UBOX5: variants seen among roughly 807,000 people sequenced by gnomAD.
UBOX5 encodes U-box domain containing 5.
Under a neutral mutation model 39.0 loss-of-function variants are expected in UBOX5, and 28 were observed. The observed-to-expected ratio is 0.72, with a 90% confidence interval of 0.53 to 0.98. The LOEUF (loss-of-function observed/expected upper bound fraction) is 0.98, where lower values mean the gene tolerates loss of function less well. Among genes scored for constraint, UBOX5 ranks in the 50% least tolerant of loss-of-function variants. The probability of loss-of-function intolerance (pLI) is 0.00; values close to 1 mark genes in which losing one functional copy is unlikely to be tolerated. For missense variants in UBOX5, 585 were observed against 674.4 expected (o/e 0.87, Z 1.47); for synonymous variants, 283 against 275.5 (o/e 1.03, Z -0.27).
At chr20:3,146,953 C>T (rs772510697) in intron 1 of UBOX5, 1 of 1,614,212 alleles carries the variant, frequency 6.2e-7, no homozygotes, top group South Asian at 1.1e-5. Flanking sequence ...CATAGCAATA[C>T]TGGTTCCTGT....
intron 1 of UBOX5, among the ~76,000 whole-genome samples, chr20:3,144,821 T>C (rs2066546345): frequency 3.9e-5 from 6 of 152,220 alleles, no homozygotes; most frequent in Admixed American, 3.9e-4. Flanking sequence ...TGTTTCCTTC[T>C]CATCTGAGCT....
intron 1 of UBOX5, among the ~76,000 whole-genome samples, chr20:3,143,766 T>C (rs889737049): frequency 1.3e-5 from 2 of 152,018 alleles, no homozygotes. Flanking sequence ...GCACTCCAGC[T>C]GGGTGACAGA....
intron 4 of UBOX5, among the ~76,000 whole-genome samples, chr20:3,113,071 C>T (rs1425029375): frequency 6.8e-6 from 1 of 147,022 alleles, no homozygotes; most frequent in African/African-American, 2.5e-5. Flanking sequence ...GTCAGGAGTT[C>T]GAGACCAGCC....
intron 3 of UBOX5, chr20:3,116,683 T>G (rs2066295942): frequency 6.6e-6 from 1 of 152,214 alleles, no homozygotes; most frequent in Non-Finnish European, 1.5e-5. Context: ...TAGAATTTAC[T>G]CTTAAAACCA....
In UBOX5 at chr20:3,116,996, T is replaced by C. The variant is rs528035608; in HGVS notation, c.1256-1530A>G. On this transcript the variant is annotated intron_variant, in intron 3 of 4. Coordinates refer to ENST00000217173, the MANE Select transcript of UBOX5 (RefSeq NM_014948.4). ...CTGTAATCCCAGCTACTCGGGAAGCTGAGGCAGGAGATTCGCTTGAACTCA... is the reference window on the plus strand; with the variant it reads ...CTGTAATCCCAGCTACTCGGGAAGCCGAGGCAGGAGATTCGCTTGAACTCA... Among the ~76,000 whole-genome samples the C allele has an allele frequency of 1.3e-5, 2 of 151,786 alleles. 1 individual carries two copies. Among genetic ancestry groups the C allele is most frequent in the South Asian group, 4.2e-4 (2 of 4,798 alleles).
At position 3,149,021 on chromosome 20, in the gene UBOX5, C is replaced by A. The variant is rs2066598282; in HGVS notation, c.-42+10745G>T. 1 of 1,613,750 alleles carries A rather than the reference C, an allele frequency of 6.2e-7. No individual in the cohort carries two copies. Among genetic ancestry groups the A allele is most frequent in the South Asian group, 1.1e-5 (1 of 91,004 alleles). On this transcript the variant is annotated intron_variant, in intron 1 of 4. Transcript: ENST00000217173. The surrounding 1 kb of genome is among the most constrained non-coding windows in gnomAD (Gnocchi z 4.1). ...GACTGCACCAAAGGCAGAAGGACTG[C>A]AAAATGCTCGGTATCTTACAAGTTT...
rs2066606313 is a variant in UBOX5 at position 3,149,832 on chromosome 20, A to C, written c.-42+9934T>G. 6.6e-6 allele frequency among the ~76,000 whole-genome samples: 1 copy of C among 152,234 alleles called. No homozygotes were observed. The highest frequency in any genetic ancestry group is 2.4e-5 in the African/African-American group (1 of 41,530). Reference sequence around the variant, plus strand: ...CAGGAGTTCAAGACCAGCCTGGCCAACAAGGCGAAATCCCGTCTCTATTAA... The same window carrying C: ...CAGGAGTTCAAGACCAGCCTGGCCACCAAGGCGAAATCCCGTCTCTATTAA... On this transcript the variant is annotated intron_variant, in intron 1 of 4. Transcript: ENST00000217173. This position sits in a 1 kb window ranked among gnomAD's most constrained non-coding sequence, Gnocchi z 4.1.
chr20:3,147,377 A>T, intron 1 of UBOX5: 1 of 1,614,252 alleles, frequency 6.2e-7, no homozygotes. Flanking sequence ...GGTCTCCAGT[A>T]AAAAGACAGT....
rs1330850045 is a variant in UBOX5, at chr20:3,149,363, A to AT, written c.-42+10402dup. 6 of 377,678 alleles carry AT rather than the reference A, an allele frequency of 1.6e-5. No homozygotes were observed. The highest frequency in any genetic ancestry group is 2.4e-5 in the Non-Finnish European group (5 of 209,796). The allele number at this position is 377,678 out of a possible 1,614,324, so 23.4% of individuals were successfully genotyped here. A position where few individuals can be genotyped will look rare whatever the true frequency, so the allele number is the denominator to read the frequency against. On this transcript the variant is annotated intron_variant, in intron 1 of 4. Transcript: ENST00000217173. The surrounding 1 kb of genome is among the most constrained non-coding windows in gnomAD (Gnocchi z 4.1). ...TGAAACTACACTGCTGTCTACTCAA[A>AT]TAAGTTCAATGCTAGTAAATGCCCA...
intron 1 of UBOX5, among the ~76,000 whole-genome samples, chr20:3,145,684 A>T (rs1436856548): frequency 3.9e-5 from 6 of 152,012 alleles, no homozygotes; most frequent in African/African-American, 1.4e-4. Context: ...CAATCTTCCC[A>T]CTTTGGCCTC....
intron 1 of UBOX5, among the ~76,000 whole-genome samples, chr20:3,158,403 C>G (rs1001859347): frequency 6.6e-6 from 1 of 152,206 alleles, no homozygotes; most frequent in Non-Finnish European, 1.5e-5. Flanking sequence ...TGCATAACTG[C>G]CAAAGGCCTC....
chr20:3,126,984 C>G (rs955623074), intron 1 of UBOX5, among the ~76,000 whole-genome samples: 1 of 133,140 alleles, frequency 7.5e-6, no homozygotes, highest in East Asian at 2.2e-4. Flanking sequence ...TGCAGTGAGC[C>G]GAGATTGCGC....
intron 1 of UBOX5, among the ~76,000 whole-genome samples, chr20:3,154,801 G>A (rs11905147): frequency 0.094 from 14,320 of 151,998 alleles, 749 homozygotes; most frequent in Middle Eastern, 0.13. Context: ...CAAAAATTAT[G>A]AGCAAACTAT....
chr20:3,148,776 T>C (rs757143824), intron 1 of UBOX5: 2 of 1,614,256 alleles, frequency 1.2e-6, no homozygotes, highest in Non-Finnish European at 1.7e-6. Flanking sequence ...TCAACTCCTG[T>C]GGCCCTGGGT....
chr20:3,126,097 G>C (rs887842433), intron 1 of UBOX5, among the ~76,000 whole-genome samples: 1 of 152,246 alleles, frequency 6.6e-6, no homozygotes, highest in Non-Finnish European at 1.5e-5. Flanking sequence ...AAAAGAAAGA[G>C]AGATCAGATT....
chr20:3,143,565 G>A (rs1261135241), intron 1 of UBOX5, among the ~76,000 whole-genome samples: 2 of 152,178 alleles, frequency 1.3e-5, no homozygotes, highest in African/African-American at 4.8e-5. Flanking sequence ...GGAGGCCGAG[G>A]TGGGTGGATC....
Position 3,110,258 on chromosome 20 carries a change from G to A in UBOX5, c.1474C>T (p.Pro492Ser), listed in dbSNP as rs772156445. 1.2e-5 allele frequency: 19 copies of A among 1,614,024 alleles called. No individual in the cohort carries two copies. Among genetic ancestry groups the A allele is most frequent in the South Asian group, 1.1e-5 (1 of 91,072 alleles). Residue 492 changes from proline (P) to serine (S), a missense_variant, in exon 5 of 5, where the codon CCC becomes TCC. Pro to Ser is a moderately conservative substitution (Grantham distance 74, BLOSUM62 -1). Coordinates refer to ENST00000217173, the MANE Select transcript of UBOX5 (RefSeq NM_014948.4). ...ECASCKRVFS[P>S]YFKKEPVYQL... is the part of the protein sequence containing the mutation. ...TACACCGGCTCCTTTTTGAAGTAGG[G>A]AGAAAATACTCTTTTGCAGGAGGCA...
rs267605879 is a variant in UBOX5, at chr20:3,115,390, G to A, written c.1332C>T (p.Ser444=). Residue 444 remains serine, a synonymous_variant, in exon 4 of 5, where the codon TCC becomes TCT. Transcript: ENST00000217173. ...ALASTLGSMP[S]FTARLTRGQL... is the part of the protein sequence containing the mutation. ...GTCCCCTGGTCAGCCGTGCCGTGAA[G>A]GAGGGCATAGAGCCAAGGGTGGATG... 6.2e-7 allele frequency: 1 copy of A among 1,614,234 alleles called. No homozygotes were observed. The highest frequency in any genetic ancestry group is 8.5e-7 in the Non-Finnish European group (1 of 1,180,042).
chr20:3,116,145 C>A (rs1298846011), intron 3 of UBOX5, among the ~76,000 whole-genome samples: 1 of 152,166 alleles, frequency 6.6e-6, no homozygotes, highest in African/African-American at 2.4e-5. Context: ...CCCATTCCCT[C>A]CCCAGCGGCC....
Sources: allele counts gnomAD v4.1 joint callset (sites outside exome capture counted in the v4.1 genomes callset), GRCh38; gene constraint gnomAD v4.1.1; non-coding constraint Gnocchi (gnomAD v3.1); transcripts MANE v1.5; gene names NCBI Gene and HGNC (gene_info 2026-07-23, HGNC 2026-07-21).